The following SPRED2 variants were observed in gnomAD, a reference collection of about 807,000 sequenced individuals.
The protein encoded by SPRED2 is sprouty related EVH1 domain containing 2, also known as sprouty-related, EVH1 domain-containing protein 2.
A neutral mutation model predicts 43.0 loss-of-function variants in SPRED2; 47 were observed. That is an observed-to-expected ratio of 1.09 (90% CI 0.87 to 1.40). The LOEUF (loss-of-function observed/expected upper bound fraction) is 1.40. Among genes scored for constraint, SPRED2 ranks in the 40% most tolerant of loss-of-function variants. SPRED2 has a pLI of 0.00. For synonymous variants in SPRED2, 225 were observed against 225.7 expected (o/e 1.00, Z 0.03); for missense variants, 561 against 586.4 (o/e 0.96, Z 0.45).
At chr2:65,316,657 A>C (rs1673241840) in intron 5 of SPRED2, 77 bp downstream of exon 5, 1 of 1,522,398 alleles carries the variant, frequency 6.6e-7, no homozygotes, top group African/African-American at 1.4e-5. Context: ...AATTTGGCTG[A>C]ATAGGAGGGG....
chr2:65,425,464 T>C (rs1676536048), intron 1 of SPRED2, among the ~76,000 whole-genome samples: 1 of 152,246 alleles, frequency 6.6e-6, no homozygotes, highest in Admixed American at 6.5e-5. Flanking sequence ...TGATAATACG[T>C]GTGCAATATG....
At chr2:65,431,859 C>T in intron 1 of SPRED2, 103 bp downstream of exon 1, 1 of 1,398,470 alleles carries the variant, frequency 7.2e-7, no homozygotes, top group South Asian at 1.2e-5. Flanking sequence ...TCGCTGCACC[C>T]CACGCCAAGT....
At chr2:65,400,480 C>G (rs76939075) in intron 1 of SPRED2, among the ~76,000 whole-genome samples, 3,328 of 152,272 alleles carry the variant, frequency 0.022, 108 homozygotes, top group African/African-American at 0.076. Context: ...CCTTCTGGGA[C>G]CGTTGGCCCT....
chr2:65,401,165 G>A (rs1332049024), intron 1 of SPRED2, among the ~76,000 whole-genome samples: 9 of 150,792 alleles, frequency 6.0e-5, no homozygotes, highest in African/African-American at 2.0e-4. Flanking sequence ...TAGTAGAGAC[G>A]TGGTTTCACC....
intron 1 of SPRED2, among the ~76,000 whole-genome samples, chr2:65,404,600 T>C (rs951626509): frequency 6.6e-6 from 1 of 152,222 alleles, no homozygotes; most frequent in Non-Finnish European, 1.5e-5. Context: ...TGCCAGGCAC[T>C]GAAGACAGCA....
intron 1 of SPRED2, among the ~76,000 whole-genome samples, chr2:65,415,929 C>T (rs1188393876): frequency 1.3e-5 from 2 of 152,108 alleles, no homozygotes; most frequent in Admixed American, 6.6e-5. Flanking sequence ...CTCACTAATA[C>T]GAATGTGTGT....
downstream of SPRED2, among the ~76,000 whole-genome samples, chr2:65,307,907 C>T (rs1000759862): frequency 3.9e-5 from 6 of 152,164 alleles, no homozygotes; most frequent in African/African-American, 9.7e-5. Flanking sequence ...TGAGGACGCC[C>T]GCATTGGCGG....
intron 4 of SPRED2, among the ~76,000 whole-genome samples, chr2:65,327,262 G>A (rs1045804968): frequency 6.6e-6 from 1 of 152,158 alleles, no homozygotes; most frequent in African/African-American, 2.4e-5. Flanking sequence ...CAGGAAGGCT[G>A]GGTTTCAAGT....
chr2:65,428,426 A>T (rs926246619), intron 1 of SPRED2, among the ~76,000 whole-genome samples: 2 of 152,388 alleles, frequency 1.3e-5, no homozygotes, highest in Non-Finnish European at 1.5e-5. Context: ...AACCAGTTAT[A>T]AAAGACATTT....
intron 2 of SPRED2, among the ~76,000 whole-genome samples, chr2:65,338,964 GT>G (rs1674079690): frequency 6.7e-6 from 1 of 150,028 alleles, no homozygotes; most frequent in African/African-American, 2.5e-5. Context: ...CGTCCGGGAG[GT>G]GAGGGGCGCC....
chr2:65,345,076 TAAACTC>T (rs1296924112), intron 1 of SPRED2, among the ~76,000 whole-genome samples, 180 bp from the exon 2 acceptor site: 3 of 152,040 alleles, frequency 2.0e-5, no homozygotes, highest in Non-Finnish European at 2.9e-5. Context: ...ACAAAACACT[TAAACTC>T]AATATAAAAG....
At chr2:65,322,841 G>C (rs959036390) in intron 4 of SPRED2, among the ~76,000 whole-genome samples, 1 of 152,144 alleles carries the variant, frequency 6.6e-6, no homozygotes, top group African/African-American at 2.4e-5. Context: ...GTTATTAGAT[G>C]ATTTTTCTGT....
intron 1 of SPRED2, among the ~76,000 whole-genome samples, chr2:65,358,852 A>T (rs996947110): frequency 4.6e-5 from 7 of 152,206 alleles, no homozygotes; most frequent in Non-Finnish European, 1.0e-4. Context: ...CTCTTTCCCC[A>T]CTGCCAGAAA....
intron 1 of SPRED2, among the ~76,000 whole-genome samples, chr2:65,357,433 G>A (rs1674685689): frequency 6.6e-6 from 1 of 152,170 alleles, no homozygotes; most frequent in Admixed American, 6.5e-5. Context: ...CCTCTCTCAC[G>A]TGGAAAAATT....
At chr2:65,420,354 C>T (rs1676395001) in intron 1 of SPRED2, among the ~76,000 whole-genome samples, 1 of 152,128 alleles carries the variant, frequency 6.6e-6, no homozygotes, top group South Asian at 2.1e-4. Flanking sequence ...ATTTTTAGTA[C>T]CCCTTTTGGG....
At chr2:65,394,391 G>T (rs1458188198) in intron 1 of SPRED2, among the ~76,000 whole-genome samples, 1 of 152,196 alleles carries the variant, frequency 6.6e-6, no homozygotes, top group Non-Finnish European at 1.5e-5. Flanking sequence ...TCGGATAGAG[G>T]CAGCTGTGAA....
chr2:65,322,080 A>T (rs1006507226), intron 4 of SPRED2, among the ~76,000 whole-genome samples: 2 of 151,700 alleles, frequency 1.3e-5, no homozygotes, highest in Non-Finnish European at 2.9e-5. Context: ...TGGCCTAAAA[A>T]TTTCTATTTT....
chr2:65,377,063 C>T (rs1675257734), intron 1 of SPRED2, among the ~76,000 whole-genome samples: 2 of 152,140 alleles, frequency 1.3e-5, no homozygotes. Context: ...TTTATATCTG[C>T]ACAATATTCC....
intron 2 of SPRED2, among the ~76,000 whole-genome samples, chr2:65,338,681 C>T (rs1674060411): frequency 6.6e-6 from 1 of 151,712 alleles, no homozygotes; most frequent in South Asian, 2.1e-4. Context: ...GCCTTGGCCC[C>T]CCAAAGTGCG....
Sources: allele counts gnomAD v4.1 joint callset (sites outside exome capture counted in the v4.1 genomes callset), GRCh38; gene constraint gnomAD v4.1.1; transcripts MANE v1.5; gene names NCBI Gene and HGNC (gene_info 2026-07-23, HGNC 2026-07-21).